Variants in GALNT2 observed in about 807,000 individuals in gnomAD.
GALNT2 encodes UDP-GalNAc:polypeptide N-acetylgalactosaminyltransferase 2.
GALNT2 carries 31 observed loss-of-function variants against 81.4 expected under a neutral mutation model. The ratio of observed to expected loss-of-function variants is 0.38; its 90% CI spans 0.29 to 0.51. GALNT2 has a LOEUF of 0.51. Ranked by LOEUF, GALNT2 falls within the 20% of genes least tolerant of loss-of-function variation. The probability of loss-of-function intolerance (pLI) is 0.87; values close to 1 mark genes in which losing one functional copy is unlikely to be tolerated. For synonymous variants in GALNT2, 303 were observed against 287.4 expected (o/e 1.05, Z -0.55); for missense variants, 629 against 765.7 (o/e 0.82, Z 2.11).
intron 1 of GALNT2, among the ~76,000 whole-genome samples, chr1:230,080,251 C>T (rs534237885): frequency 2.6e-5 from 4 of 152,164 alleles, no homozygotes; most frequent in South Asian, 4.2e-4. Flanking sequence ...TGTTTGGAAG[C>T]GAAGCTCTCA....
rs186675888 is a variant in GALNT2 at position 230,255,934 on chromosome 1, T to C, written c.1136+590T>C. 1.4e-4 allele frequency among the ~76,000 whole-genome samples: 21 copies of C among 152,356 alleles called. 1 individual carries two copies. Among genetic ancestry groups the C allele is most frequent in the Non-Finnish European group, 1.5e-5 (1 of 68,040 alleles). ...GTAATTTAAAATGAACAGAAATTTA[T>C]CTACTCATAGTTCTGGAGGCTGAGA... On this transcript the variant is annotated intron_variant, in intron 11 of 15. Coordinates refer to ENST00000366672, the MANE Select transcript of GALNT2 (RefSeq NM_004481.5).
intron 1 of GALNT2, among the ~76,000 whole-genome samples, chr1:230,095,839 C>T (rs535052477): frequency 1.3e-5 from 2 of 152,314 alleles, no homozygotes; most frequent in East Asian, 1.9e-4. Context: ...AGAAAGAAAC[C>T]GTGTGGGGTT....
intron 1 of GALNT2, among the ~76,000 whole-genome samples, chr1:230,103,335 T>C (rs889422518): frequency 6.6e-6 from 1 of 152,206 alleles, no homozygotes; most frequent in African/African-American, 2.4e-5. Flanking sequence ...TAATATACTT[T>C]GTATCCATGA....
At chr1:230,220,293 A>G (rs567802674) in intron 3 of GALNT2, among the ~76,000 whole-genome samples, 1 of 150,198 alleles carries the variant, frequency 6.7e-6, no homozygotes, top group Non-Finnish European at 1.5e-5. Flanking sequence ...TTTTTTTTTT[A>G]ATGTTGGAAT....
chr1:230,208,565 G>T (rs1664137011), intron 3 of GALNT2, among the ~76,000 whole-genome samples: 1 of 152,238 alleles, frequency 6.6e-6, no homozygotes, highest in African/African-American at 2.4e-5. Context: ...AAACCGTGAG[G>T]CTGGGTGTTA....
intron 1 of GALNT2, among the ~76,000 whole-genome samples, chr1:230,095,364 C>T (rs1041884830): frequency 1.3e-5 from 2 of 152,102 alleles, no homozygotes; most frequent in African/African-American, 4.8e-5. Flanking sequence ...TTTTATTATC[C>T]CCATTTTACA....
intron 1 of GALNT2, among the ~76,000 whole-genome samples, chr1:230,106,335 T>C (rs1450986987): frequency 6.6e-6 from 1 of 152,180 alleles, no homozygotes; most frequent in African/African-American, 2.4e-5. Context: ...GATGACAGGC[T>C]TAGTGCCTGC....
intron 1 of GALNT2, among the ~76,000 whole-genome samples, chr1:230,078,985 T>G (rs902936392): frequency 1.3e-5 from 2 of 152,174 alleles, no homozygotes; most frequent in African/African-American, 4.8e-5. Flanking sequence ...GATGTTTTAT[T>G]ATCTTGACTA....
At chr1:230,175,675 T>C (rs889739592) in intron 1 of GALNT2, among the ~76,000 whole-genome samples, 1 of 118,028 alleles carries the variant, frequency 8.5e-6, no homozygotes, top group Admixed American at 8.7e-5. Flanking sequence ...GTCCTCCCCC[T>C]CCTTCTCCTT....
At chr1:230,161,830 A>C (rs1662446125) in intron 1 of GALNT2, among the ~76,000 whole-genome samples, 1 of 152,116 alleles carries the variant, frequency 6.6e-6, no homozygotes, top group Non-Finnish European at 1.5e-5. Flanking sequence ...TGTTTCTATT[A>C]CTTATTTTAC....
chr1:230,096,686 C>T (rs1178013832), intron 1 of GALNT2, among the ~76,000 whole-genome samples: 1 of 152,212 alleles, frequency 6.6e-6, no homozygotes, highest in Admixed American at 6.5e-5. Flanking sequence ...GAACTACCAC[C>T]AATGTTGCAC....
chr1:230,112,146 C>T (rs1660722162), intron 1 of GALNT2, among the ~76,000 whole-genome samples: 2 of 152,310 alleles, frequency 1.3e-5, no homozygotes, highest in South Asian at 4.1e-4. Flanking sequence ...AGCTCTGCTC[C>T]TCCAGGCCAG....
At chr1:230,107,784 G>A (rs1363868900) in intron 1 of GALNT2, among the ~76,000 whole-genome samples, 1 of 152,136 alleles carries the variant, frequency 6.6e-6, no homozygotes, top group Non-Finnish European at 1.5e-5. Flanking sequence ...CTTCCTAGAC[G>A]ATGTTTATCA....
At chr1:230,173,150 T>TA (rs1165014293) in intron 1 of GALNT2, among the ~76,000 whole-genome samples, 1 of 152,228 alleles carries the variant, frequency 6.6e-6, no homozygotes, top group Non-Finnish European at 1.5e-5. Flanking sequence ...GGAGAAGACT[T>TA]AGAGTTCTCT....
chr1:230,136,730 G>C (rs1404204603), intron 1 of GALNT2, among the ~76,000 whole-genome samples: 3 of 152,238 alleles, frequency 2.0e-5, no homozygotes, highest in African/African-American at 7.2e-5. Flanking sequence ...AACACCGCTT[G>C]TTTGTAGCTT....
intron 11 of GALNT2, among the ~76,000 whole-genome samples, chr1:230,260,224 C>T (rs1483334669): frequency 2.0e-5 from 3 of 152,188 alleles, no homozygotes; most frequent in Non-Finnish European, 4.4e-5. Flanking sequence ...TAAATACTTG[C>T]AAATACCTGC....
chr1:230,187,981 A>AT (rs1663396110), intron 2 of GALNT2, among the ~76,000 whole-genome samples: 2 of 152,128 alleles, frequency 1.3e-5, no homozygotes, highest in Middle Eastern at 3.2e-3. Context: ...GGAAAAGGCA[A>AT]CATTCGGGCA....
At chr1:230,195,754 A>G (rs1423691983) in intron 2 of GALNT2, among the ~76,000 whole-genome samples, 5 of 152,138 alleles carry the variant, frequency 3.3e-5, no homozygotes, top group Non-Finnish European at 5.9e-5. Flanking sequence ...GCACCGCCAC[A>G]GATTCCACCG....
At chr1:230,097,917 C>T (rs1020245365) in intron 1 of GALNT2, among the ~76,000 whole-genome samples, 2 of 152,190 alleles carry the variant, frequency 1.3e-5, no homozygotes, top group Non-Finnish European at 2.9e-5. Flanking sequence ...GCTGCTATTT[C>T]TGCTTTAGTT....
Sources: allele counts gnomAD v4.1 joint callset (sites outside exome capture counted in the v4.1 genomes callset), GRCh38; gene constraint gnomAD v4.1.1; transcripts MANE v1.5; gene names NCBI Gene and HGNC (gene_info 2026-07-23, HGNC 2026-07-21).